METTL15: variants seen among roughly 807,000 people sequenced by gnomAD.
METTL15 encodes methyltransferase 15, mitochondrial 12S rRNA N4-cytidine, also known as 12S rRNA N(4)-cytidine methyltransferase METTL15.
METTL15 carries 34 observed loss-of-function variants against 38.3 expected under a neutral mutation model. That is an observed-to-expected ratio of 0.89 (90% CI 0.68 to 1.18). METTL15 has a LOEUF of 1.18. METTL15 is among the 50% of genes most tolerant of loss of function. The probability of loss-of-function intolerance (pLI) is 0.00; values close to 1 mark genes in which losing one functional copy is unlikely to be tolerated. For missense variants in METTL15, 438 were observed against 498.4 expected (o/e 0.88, Z 1.15); for synonymous variants, 162 against 170.9 (o/e 0.95, Z 0.41).
intron 6 of METTL15, among the ~76,000 whole-genome samples, chr11:28,304,998 T>A (rs1267973820): frequency 6.6e-6 from 1 of 152,212 alleles, no homozygotes; most frequent in Non-Finnish European, 1.5e-5. Flanking sequence ...ATCATAGTTG[T>A]CATTGCCACT....
intron 4 of METTL15, among the ~76,000 whole-genome samples, chr11:28,220,738 C>G (rs1853168080): frequency 6.6e-6 from 1 of 152,122 alleles, no homozygotes; most frequent in African/African-American, 2.4e-5. Context: ...CCTTCAGGAG[C>G]TCTTGTAGGG....
At chr11:28,220,513 C>G (rs1034690852) in intron 4 of METTL15, among the ~76,000 whole-genome samples, 4 of 152,134 alleles carry the variant, frequency 2.6e-5, no homozygotes, top group Non-Finnish European at 4.4e-5. Flanking sequence ...GACTCTTTAT[C>G]CAATTTGCCA....
chr11:28,461,955 T>G (rs1851219494), intron 6 of METTL15, among the ~76,000 whole-genome samples: 1 of 152,092 alleles, frequency 6.6e-6, no homozygotes, highest in Non-Finnish European at 1.5e-5. Context: ...AAAATCTTTA[T>G]TCTCTGTAGA....
intron 4 of METTL15, among the ~76,000 whole-genome samples, chr11:28,353,152 G>A (rs535520721): frequency 1.3e-5 from 2 of 152,244 alleles, no homozygotes; most frequent in South Asian, 4.1e-4. Flanking sequence ...TCAGAGTAAG[G>A]TAATGTGAGG....
intron 6 of METTL15, among the ~76,000 whole-genome samples, chr11:28,495,053 A>T (rs572768740): frequency 6.6e-6 from 1 of 152,324 alleles, no homozygotes; most frequent in South Asian, 2.1e-4. Context: ...TTATTATTTT[A>T]AGTTCATTTA....
intron 6 of METTL15, among the ~76,000 whole-genome samples, chr11:28,328,459 A>T (rs1353858300): frequency 6.6e-6 from 1 of 152,064 alleles, no homozygotes; most frequent in Non-Finnish European, 1.5e-5. Flanking sequence ...AATGTGAACT[A>T]AGGTGCCAGC....
At chr11:28,155,491 C>T (rs1490537896) in intron 3 of METTL15, among the ~76,000 whole-genome samples, 1 of 152,124 alleles carries the variant, frequency 6.6e-6, no homozygotes, top group African/African-American at 2.4e-5. Flanking sequence ...TGTTAGAATT[C>T]ACTGTCTTTT....
intron 6 of METTL15, among the ~76,000 whole-genome samples, chr11:28,469,256 A>AT (rs1173958816): frequency 7.9e-4 from 2 of 2,528 alleles, no homozygotes; most frequent in East Asian, 0.05. Flanking sequence ...CTTCTGATTG[A>AT]CCTTTTTCCC....
rs1258395118 is a variant in METTL15 at position 28,410,470 on chromosome 11, T to C, written c.*359-13829T>C. Among the ~76,000 whole-genome samples the C allele has an allele frequency of 2.0e-5, 3 of 152,236 alleles. No individual in the cohort carries two copies. In the East Asian group the frequency reaches 5.8e-4, roughly 29 times the overall value. On this transcript the variant is annotated intron_variant and NMD_transcript_variant, in intron 5 of 7. Transcript: ENST00000532947. ...CTGCCTGCAAGACTGATTTAACATA[T>C]GCAAATCAATCAGTGTGATACATCA...
chr11:28,191,283 G>C (rs1297531424), intron 3 of METTL15, among the ~76,000 whole-genome samples: 1 of 150,140 alleles, frequency 6.7e-6, no homozygotes, highest in Non-Finnish European at 1.5e-5. Context: ...TGAGTATCAA[G>C]GTAATTTAAA....
chr11:28,235,689 G>A (rs1590199540), intron 4 of METTL15, among the ~76,000 whole-genome samples: 3 of 151,942 alleles, frequency 2.0e-5, no homozygotes, highest in South Asian at 2.1e-4. Context: ...TTGCTTATCA[G>A]CTTAAGGAGA....
intron 4 of METTL15, among the ~76,000 whole-genome samples, chr11:28,261,915 G>A (rs182623917): frequency 6.6e-6 from 1 of 152,078 alleles, no homozygotes; most frequent in African/African-American, 2.4e-5. Flanking sequence ...CACTATTGCT[G>A]TCTATGTTTT....
intron 3 of METTL15, among the ~76,000 whole-genome samples, chr11:28,193,827 C>T (rs1332976387): frequency 6.6e-6 from 1 of 152,134 alleles, no homozygotes. Flanking sequence ...CCCCTTGGCA[C>T]AGGATCTCTA....
intron 6 of METTL15, among the ~76,000 whole-genome samples, chr11:28,522,857 G>T (rs1394252859): frequency 6.6e-6 from 1 of 152,120 alleles, no homozygotes; most frequent in East Asian, 1.9e-4. Context: ...TGCTAGACTA[G>T]GTCTATATCA....
intron 5 of METTL15, among the ~76,000 whole-genome samples, chr11:28,378,114 T>C (rs1015533603): frequency 9.9e-5 from 15 of 152,078 alleles, no homozygotes; most frequent in African/African-American, 3.4e-4. Flanking sequence ...TTTTTGTTTG[T>C]CTGTGCCCTG....
chr11:28,285,996 ATATC>A (rs149929481), intron 4 of METTL15, among the ~76,000 whole-genome samples: 116 of 152,300 alleles, frequency 7.6e-4, no homozygotes, highest in African/African-American at 1.9e-3. Context: ...CAGAGATATT[ATATC>A]TATCAGGCTA....
intron 3 of METTL15, among the ~76,000 whole-genome samples, chr11:28,174,041 T>G (rs369900976): frequency 6.6e-6 from 1 of 152,328 alleles, no homozygotes; most frequent in African/African-American, 2.4e-5. Flanking sequence ...AGTTACTCAT[T>G]TTTTCCTTTT....
In METTL15 at chr11:28,153,328, A is replaced by T. The variant is rs140051407; in HGVS notation, c.270+39724A>T. Among the ~76,000 whole-genome samples, 510 of 152,256 alleles carry T rather than the reference A, an allele frequency of 3.3e-3. 6 individuals are homozygous for T. The highest frequency in any genetic ancestry group is 0.012 in the African/African-American group (492 of 41,560). ...ATCTCTAGATTACTTATAATATCTA[A>T]TATAATGCCTCTCCATCCCTTTACT... is the stretch of plus-strand genomic sequence containing the variant. On this transcript the variant is annotated intron_variant, in intron 3 of 6. Transcript: ENST00000407364.
At chr11:28,254,298 A>G (rs1854878568) in intron 4 of METTL15, among the ~76,000 whole-genome samples, 1 of 152,182 alleles carries the variant, frequency 6.6e-6, no homozygotes, top group African/African-American at 2.4e-5. Flanking sequence ...ATGACTAGTC[A>G]GATCTTTTGC....
Sources: allele counts gnomAD v4.1 joint callset (sites outside exome capture counted in the v4.1 genomes callset), GRCh38; gene constraint gnomAD v4.1.1; transcripts MANE v1.5; gene names NCBI Gene and HGNC (gene_info 2026-07-23, HGNC 2026-07-21).